The following AGBL5 variants were observed in gnomAD, a reference collection of about 807,000 sequenced individuals.
The protein encoded by AGBL5 is cytosolic carboxypeptidase-like protein 5.
Under a neutral mutation model 88.0 loss-of-function variants are expected in AGBL5, and 51 were observed. The observed-to-expected ratio is 0.58, with a 90% CI of 0.46 to 0.73. AGBL5 has a LOEUF of 0.73. AGBL5 is among the 30% of genes least tolerant of loss of function. The pLI is 0.00. For missense variants in AGBL5, 1,031 were observed against 1,162.2 expected (o/e 0.89, Z 1.64); for synonymous variants, 446 against 438.8 (o/e 1.02, Z -0.21).
At position 27,055,079 on chromosome 2, in the gene AGBL5, T is replaced by C. The variant is rs1208275644; in HGVS notation, c.734T>C (p.Phe245Ser). The C allele has an allele frequency of 6.2e-7, 1 of 1,613,828 alleles. No individual in the cohort carries two copies. The highest frequency in any genetic ancestry group is 1.1e-5 in the South Asian group (1 of 91,086). ...RPFRFAGKRI[F>S]FLSSRVHPGE... ...CTGCTCTCCTCTCTACCTCAGATAT[T>C]CTTCTTAAGCAGTAGAGTACACCCA... Residue 245 changes from phenylalanine to serine, a missense_variant, in exon 6 of 15, where the codon TTC (phenylalanine) becomes TCC (serine). Physicochemically the swap from Phe to Ser is radical, Grantham distance 155. Around this residue, in one of 2 missense-constraint regions of AGBL5, gnomAD observed 540 missense variants for 678.2 expected, o/e 0.80. Transcript: ENST00000360131.
At position 27,056,005 on chromosome 2, in the gene AGBL5, G is replaced by T. The variant is rs764659580; in HGVS notation, c.1232G>T (p.Gly411Val). ...SVWIMPQQSA[G>V]LEESAPDTIP... Reference sequence around the variant, plus strand: ...TGGATTATGCCACAACAGTCTGCGGGGCTTGAAGAGTCAGCCCCTGATACC... The same window carrying T: ...TGGATTATGCCACAACAGTCTGCGGTGCTTGAAGAGTCAGCCCCTGATACC... Residue 411 changes from glycine to valine, a missense_variant, in exon 7 of 15, where the codon GGG becomes GTG. Gly to Val is a moderately radical substitution (Grantham distance 109, BLOSUM62 -3). Around this residue, in one of 2 missense-constraint regions of AGBL5, gnomAD observed 540 missense variants for 678.2 expected, o/e 0.80. Coordinates refer to ENST00000360131, the MANE Select transcript of AGBL5 (RefSeq NM_021831.6). 3 of 1,614,090 alleles carry T rather than the reference G, an allele frequency of 1.9e-6. No homozygotes were observed. The African/African-American group carries it at 4.0e-5, about 22-fold the overall frequency.
intron 11 of AGBL5, among the ~76,000 whole-genome samples, chr2:27,060,714 T>C (rs1353349578): frequency 2.6e-5 from 4 of 152,220 alleles, no homozygotes; most frequent in Non-Finnish European, 4.4e-5. Flanking sequence ...CATTGAGATA[T>C]TCTATCCCTG....
At chr2:27,060,904 A>G (rs1668685793) in intron 11 of AGBL5, 1 of 152,244 alleles carries the variant, frequency 6.6e-6, no homozygotes, top group Admixed American at 6.5e-5. Context: ...CAAAGACGCT[A>G]TGGGATGGAT....
At position 27,055,557 on chromosome 2, in the gene AGBL5, T is replaced by C. The variant is rs1668383759; in HGVS notation, c.909-125T>C. On this transcript the variant is annotated intron_variant, in intron 6 of 14. Transcript: ENST00000360131. ...GAGGCCCTGTCTTCAATTCTTTCTT[T>C]CCTAACATAGCTTCAGCCTCTCATT... The C allele has an allele frequency of 6.3e-6, 6 of 949,640 alleles. No individual in the cohort carries two copies. In the African/African-American group the frequency reaches 9.9e-5, roughly 16 times the overall value. The allele number at this position is 949,640 out of a possible 1,614,324, so 58.8% of individuals were successfully genotyped here. A position where few individuals can be genotyped will look rare whatever the true frequency, so the allele number is the denominator to read the frequency against.
chr2:27,059,853 AG>A (rs1313156303), intron 11 of AGBL5, among the ~76,000 whole-genome samples: 3 of 152,192 alleles, frequency 2.0e-5, no homozygotes, highest in Non-Finnish European at 1.5e-5. Flanking sequence ...GAGCTCATTA[AG>A]GAAGTGATAC....
Position 27,066,226 on chromosome 2 carries a change from C to T in AGBL5, c.2090-1268C>T, listed in dbSNP as rs189290062. Among the ~76,000 whole-genome samples, 187 of 126,902 alleles carry T rather than the reference C, an allele frequency of 1.5e-3. 1 individual carries two copies. Among genetic ancestry groups the T allele is most frequent in the African/African-American group, 5.0e-3 (173 of 34,306 alleles). The allele number at this position is 126,902 out of a possible 152,430, so 83.3% of individuals were successfully genotyped here. The stretch of plus-strand genomic sequence containing the variant: ...TACAGCCTAGGTGACAGAGTGAGAC[C>T]CTGTCTCCAAAAAAAAAAAAAAAAA... On this transcript the variant is annotated intron_variant, in intron 11 of 14. Coordinates refer to ENST00000360131, the MANE Select transcript of AGBL5 (RefSeq NM_021831.6).
At chr2:27,051,361 T>C (rs1438353010), upstream of AGBL5, 6 of 152,352 alleles carry the variant, frequency 3.9e-5, no homozygotes, top group African/African-American at 7.2e-5. Flanking sequence ...ACGTGTTTCA[T>C]TTTAGAGACA....
intron 6 of AGBL5, 145 bp downstream of exon 6, chr2:27,055,398 A>C: frequency 8.5e-7 from 1 of 1,171,076 alleles, no homozygotes; most frequent in South Asian, 1.5e-5. Context: ...CTTCCTGAGA[A>C]AGCATGAGAT....
At chr2:27,054,404 A>G in intron 4 of AGBL5, 2 of 584,470 alleles carry the variant, frequency 3.4e-6, no homozygotes. Context: ...AATCTATTCT[A>G]GGAAGCCACA....
chr2:27,070,253 C>G lies in AGBL5; in HGVS notation c.2651C>G (p.Pro884Arg). The G allele has an allele frequency of 2.5e-6, 4 of 1,614,200 alleles. No individual in the cohort carries two copies. Among genetic ancestry groups the G allele is most frequent in the Non-Finnish European group, 3.4e-6 (4 of 1,180,026 alleles). Residue 884 changes from proline (P) to arginine (R), a missense_variant, in exon 15 of 15, where the codon CCC (proline) becomes CGC (arginine). By Grantham distance (103) the Pro-to-Arg change is moderately radical (BLOSUM62 -2). Transcript: ENST00000360131. ...AAATCTCCCCCACTGACTGTTTCTC[C>G]CCGGGTCTGATAATGCCTTTATGTT... ...VPKSPPLTVS[P>R]RV
At chr2:27,068,605 C>T (rs745653748) in intron 12 of AGBL5, 27 bp from the exon 13 acceptor site, 3 of 1,607,946 alleles carry the variant, frequency 1.9e-6, no homozygotes, top group Non-Finnish European at 8.5e-7. Flanking sequence ...GTGACCCCTA[C>T]CCTGATCAGT....
At chr2:27,059,488 T>G (rs770636414) in intron 11 of AGBL5, 84 bp downstream of exon 11, 10 of 1,592,854 alleles carry the variant, frequency 6.3e-6, no homozygotes, top group African/African-American at 2.7e-5. Flanking sequence ...AGATATACTG[T>G]TGGCCCAGGA....
chr2:27,059,965 A>T (rs561623486), intron 11 of AGBL5, among the ~76,000 whole-genome samples: 29 of 152,312 alleles, frequency 1.9e-4, no homozygotes, highest in Non-Finnish European at 2.8e-4. Context: ...CCTGGCCAAC[A>T]TGGCGAAACC....
upstream of AGBL5, chr2:27,051,534 C>T (rs966078437): frequency 7.2e-5 from 11 of 152,318 alleles, no homozygotes; most frequent in Non-Finnish European, 1.6e-4. Context: ...CCGCCATCGT[C>T]CCCGAACGAC....
Position 27,052,925 on chromosome 2 carries a change from G to A in AGBL5, c.-34G>A, listed in dbSNP as rs1287032406. The A allele has an allele frequency of 1.3e-6, 2 of 1,541,178 alleles. No individual in the cohort carries two copies. Among genetic ancestry groups the A allele is most frequent in the Non-Finnish European group, 8.8e-7 (1 of 1,136,236 alleles). On this transcript the variant is annotated 5_prime_UTR_variant, in exon 2 of 15. Coordinates refer to ENST00000360131, the MANE Select transcript of AGBL5 (RefSeq NM_021831.6). ...TGTTTTCCCCCAGCTCTCAGGGCCAGAGCGGGGCAGGAGGATGCTTTCCCA... is the reference window on the plus strand; with the variant it reads ...TGTTTTCCCCCAGCTCTCAGGGCCAAAGCGGGGCAGGAGGATGCTTTCCCA...
At chr2:27,060,217 C>G (rs1211970814) in intron 11 of AGBL5, among the ~76,000 whole-genome samples, 1 of 152,176 alleles carries the variant, frequency 6.6e-6, no homozygotes, top group African/African-American at 2.4e-5. Context: ...CAACTGCAGA[C>G]AATTTCTTTT....
In AGBL5 at chr2:27,055,411, T is replaced by C. The variant is rs1668378048; in HGVS notation, c.908+158T>C. 3 of 1,087,544 alleles carry C rather than the reference T, an allele frequency of 2.8e-6. No homozygotes were observed. The South Asian group carries it at 4.8e-5, about 17-fold the overall frequency. 67.4% of individuals were successfully genotyped at this position (1,087,544 alleles called of 1,614,324 possible). A position where few individuals can be genotyped will look rare whatever the true frequency, so the allele number is the denominator to read the frequency against. On this transcript the variant is annotated intron_variant, in intron 6 of 14. Coordinates refer to ENST00000360131, the MANE Select transcript of AGBL5 (RefSeq NM_021831.6). ...ATCTTCCTGAGAAAGCATGAGATCATATCTAGTGGCACTCCCAGAAAGGAA... is the reference window on the plus strand; with the variant it reads ...ATCTTCCTGAGAAAGCATGAGATCACATCTAGTGGCACTCCCAGAAAGGAA...
At position 27,053,986 on chromosome 2, in the gene AGBL5, T is replaced by C; in HGVS notation, c.478T>C (p.Ser160Pro). The C allele has an allele frequency of 6.2e-7, 1 of 1,614,092 alleles. No homozygotes were observed. The highest frequency in any genetic ancestry group is 1.1e-5 in the South Asian group (1 of 91,088). Residue 160 changes from serine (S) to proline (P), a missense_variant, in exon 4 of 15, where the codon TCC becomes CCC. By Grantham distance (74) the Ser-to-Pro change is moderately conservative (BLOSUM62 -1). This residue lies in a region of AGBL5 where 540 missense variants were observed against 678.2 expected (regional missense o/e 0.80). Coordinates refer to ENST00000360131, the MANE Select transcript of AGBL5 (RefSeq NM_021831.6). This position sits in a 1 kb window ranked among gnomAD's most constrained non-coding sequence, Gnocchi z 4.9. ...CTTCTTCGCCTTCTGCTACCCCTTC[T>C]CCTACAGTGACTGCCAGGAACTGCT... ...TTFFAFCYPF[S>P]YSDCQELLNQ...
chr2:27,056,336 T>G (rs931371800), intron 7 of AGBL5, 198 bp downstream of exon 7: 5 of 633,698 alleles, frequency 7.9e-6, no homozygotes, highest in Middle Eastern at 6.2e-4. Context: ...ATCATGACCT[T>G]TTATTAAGGA....
Sources: gnomAD v4.1 joint callset for allele counts (sites outside exome capture counted in the v4.1 genomes callset) on GRCh38, gnomAD v4.1.1 for gene constraint, gnomAD v4.1.1 regional missense constraint, Gnocchi (gnomAD v3.1) non-coding constraint, MANE v1.5 for transcripts, NCBI Gene and HGNC (gene_info 2026-07-23, HGNC 2026-07-21) for gene names.